The following RBFOX1 variants were observed in gnomAD, a reference collection of about 807,000 sequenced individuals.
RBFOX1 encodes RNA binding fox-1 homolog 1.
Under a neutral mutation model 57.7 loss-of-function variants are expected in RBFOX1, and 8 were observed. The observed-to-expected ratio is 0.14, with a 90% CI of 0.08 to 0.25. The LOEUF is 0.25. Ranked by LOEUF, RBFOX1 falls within the 10% of genes least tolerant of loss-of-function variation. The pLI is 1.00. For synonymous variants in RBFOX1, 326 were observed against 222.4 expected (o/e 1.47, Z -4.15); for missense variants, 611 against 548.5 (o/e 1.11, Z -1.14).
chr16:6,634,939 TAG>T (rs1479673932), intron 2 of RBFOX1, among the ~76,000 whole-genome samples: 3 of 140,630 alleles, frequency 2.1e-5, no homozygotes, highest in Non-Finnish European at 3.0e-5. Flanking sequence ...TAATTTAAAT[TAG>T]TAATTTAGTT....
At chr16:6,222,835 A>G (rs916203438) in intron 1 of RBFOX1, among the ~76,000 whole-genome samples, 1 of 151,796 alleles carries the variant, frequency 6.6e-6, no homozygotes, top group African/African-American at 2.4e-5. Flanking sequence ...ATATCTCCTA[A>G]TGCTATCCTT....
At chr16:5,275,331 A>G (rs1378957681) in intron 1 of RBFOX1, among the ~76,000 whole-genome samples, 1 of 152,222 alleles carries the variant, frequency 6.6e-6, no homozygotes, top group Non-Finnish European at 1.5e-5. Context: ...CTATTTAAAA[A>G]TATACAATAA....
intron 3 of RBFOX1, among the ~76,000 whole-genome samples, chr16:6,814,217 C>G (rs113287800): frequency 7.2e-6 from 1 of 138,622 alleles, no homozygotes; most frequent in Non-Finnish European, 1.5e-5. Flanking sequence ...CTGTTTTCTT[C>G]TTTCATGTAA....
intron 1 of RBFOX1, among the ~76,000 whole-genome samples, chr16:6,142,083 C>T (rs991068521): frequency 3.5e-5 from 5 of 143,992 alleles, no homozygotes; most frequent in Admixed American, 7.1e-5. Flanking sequence ...ACCTGGAATA[C>T]TGCTTCTTGC....
chr16:7,321,564 A>G lies in RBFOX1; in HGVS notation c.28-196583A>G, dbSNP rs865879635. ...CAAGCTGTGTGATTTTGGGCAAGTT[A>G]CTTGACCACTCTGTGTCTTGTTTTC... On this transcript the variant is annotated intron_variant, in intron 4 of 15. Transcript: ENST00000550418. Among the ~76,000 whole-genome samples, 18 of 152,324 alleles carry G rather than the reference A, an allele frequency of 1.2e-4. No individual in the cohort carries two copies. In the Middle Eastern group the frequency reaches 0.01, roughly 86 times the overall value.
chr16:7,347,197 G>A (rs2097027767), intron 4 of RBFOX1, among the ~76,000 whole-genome samples: 2 of 152,152 alleles, frequency 1.3e-5, no homozygotes, highest in South Asian at 4.1e-4. Flanking sequence ...ATCCTACAAT[G>A]CATAGGTGCA....
chr16:6,972,960 C>T (rs1004586799), intron 3 of RBFOX1, among the ~76,000 whole-genome samples: 2 of 152,038 alleles, frequency 1.3e-5, no homozygotes, highest in Non-Finnish European at 2.9e-5. Context: ...CCCATCTCAA[C>T]TAAAAATACA....
intron 1 of RBFOX1, among the ~76,000 whole-genome samples, chr16:5,462,208 A>G (rs1168863355): frequency 3.9e-5 from 5 of 127,300 alleles, no homozygotes; most frequent in Non-Finnish European, 7.8e-5. Context: ...TCGCTCTGTC[A>G]CCCAGGCTGG....
At position 7,713,189 on chromosome 16, in the gene RBFOX1, G is replaced by C. The variant is rs993666770; in HGVS notation, c.*2444G>C. 2 of 152,126 alleles carry C rather than the reference G, an allele frequency of 1.3e-5. No individual in the cohort carries two copies. Among genetic ancestry groups the C allele is most frequent in the Non-Finnish European group, 2.9e-5 (2 of 68,040 alleles). 9.4% of individuals were successfully genotyped at this position (152,126 alleles called of 1,614,324 possible). On this transcript the variant is annotated 3_prime_UTR_variant, in exon 16 of 16. Transcript: ENST00000550418. ...ATTAATATTATGTGTGGCATATAGT[G>C]ACTTCTTAACACACACATCACGCAA...
At chr16:5,891,842 A>G (rs1422259258) in intron 4 of RBFOX1, among the ~76,000 whole-genome samples, 3 of 151,868 alleles carry the variant, frequency 2.0e-5, no homozygotes, top group Non-Finnish European at 4.4e-5. Context: ...AGGCTTGGAG[A>G]CCCTCCATCC....
chr16:7,214,709 T>C (rs929182341), intron 4 of RBFOX1, among the ~76,000 whole-genome samples: 5 of 152,124 alleles, frequency 3.3e-5, no homozygotes, highest in Non-Finnish European at 5.9e-5. Context: ...GGCTACCGTA[T>C]ACTGCGCGAT....
chr16:5,304,781 A>G (rs2063892033), intron 1 of RBFOX1, among the ~76,000 whole-genome samples: 1 of 152,196 alleles, frequency 6.6e-6, no homozygotes, highest in African/African-American at 2.4e-5. Context: ...TCTGTGGAAG[A>G]GGAATTTGAG....
chr16:5,463,820 T>TA (rs200380053), intron 1 of RBFOX1, among the ~76,000 whole-genome samples: 228 of 141,940 alleles, frequency 1.6e-3, no homozygotes, highest in African/African-American at 4.1e-3. Flanking sequence ...AAAGAAATAA[T>TA]AAAAAAAAAT....
At chr16:5,584,540 G>C (rs1236685559) in intron 2 of RBFOX1, among the ~76,000 whole-genome samples, 1 of 152,170 alleles carries the variant, frequency 6.6e-6, no homozygotes, top group Non-Finnish European at 1.5e-5. Flanking sequence ...AGAGACCAAG[G>C]GTAGGCTGGC....
intron 1 of RBFOX1, among the ~76,000 whole-genome samples, chr16:6,110,363 G>A (rs1159437511): frequency 2.0e-5 from 3 of 151,750 alleles, no homozygotes; most frequent in African/African-American, 7.3e-5. Flanking sequence ...ATTCTAGGTA[G>A]GCACTGAAAA....
At chr16:6,212,642 G>C (rs1468199628) in intron 1 of RBFOX1, among the ~76,000 whole-genome samples, 2 of 152,168 alleles carry the variant, frequency 1.3e-5, no homozygotes, top group African/African-American at 4.8e-5. Context: ...GGGAGGTGGA[G>C]CTTGCAGTGA....
intron 2 of RBFOX1, among the ~76,000 whole-genome samples, chr16:6,498,950 C>G (rs1598304911): frequency 1.3e-5 from 2 of 152,260 alleles, no homozygotes; most frequent in East Asian, 3.9e-4. Context: ...GCCTTCTCCT[C>G]CAATACACCC....
chr16:7,033,068 A>C (rs1201466812), intron 3 of RBFOX1, among the ~76,000 whole-genome samples: 1 of 152,208 alleles, frequency 6.6e-6, no homozygotes, highest in East Asian at 1.9e-4. Flanking sequence ...TCAGAAGGCA[A>C]GAAAGGAATG....
At chr16:6,129,490 C>T (rs1319304553) in intron 1 of RBFOX1, among the ~76,000 whole-genome samples, 1 of 151,680 alleles carries the variant, frequency 6.6e-6, no homozygotes, top group Non-Finnish European at 1.5e-5. Flanking sequence ...CAAAAGGAAA[C>T]AAAGGTAGTA....
Sources: gnomAD v4.1 joint callset for allele counts (sites outside exome capture counted in the v4.1 genomes callset) on GRCh38, gnomAD v4.1.1 for gene constraint, MANE v1.5 for transcripts, NCBI Gene and HGNC (gene_info 2026-07-23, HGNC 2026-07-21) for gene names.